Variants in NKAIN3 observed in about 807,000 individuals in gnomAD.
NKAIN3 encodes sodium/potassium-transporting ATPase subunit beta-1-interacting protein 3.
Under a neutral mutation model 30.2 loss-of-function variants are expected in NKAIN3, and 25 were observed. That is an observed-to-expected ratio of 0.83 (90% CI 0.60 to 1.16). The LOEUF is 1.16. NKAIN3 is among the 50% of genes most tolerant of loss of function. The probability of loss-of-function intolerance (pLI) is 0.00; values close to 1 mark genes in which losing one functional copy is unlikely to be tolerated. For missense variants in NKAIN3, 225 were observed against 254.1 expected (o/e 0.89, Z 0.78); for synonymous variants, 91 against 89.6 (o/e 1.02, Z -0.09).
Position 62,352,012 on chromosome 8 carries a change from G to A in NKAIN3, c.54+102885G>A, listed in dbSNP as rs759718819. Among the ~76,000 whole-genome samples, 9 of 152,182 alleles carry A rather than the reference G, an allele frequency of 5.9e-5. 1 individual carries two copies. Among genetic ancestry groups the A allele is most frequent in the South Asian group, 4.1e-4 (2 of 4,832 alleles). Reference sequence around the variant, plus strand: ...TGGATGAACACTATGGATGAAGCTCGTGGGCTGGTCAAACACCAAGTATGA... The same window carrying A: ...TGGATGAACACTATGGATGAAGCTCATGGGCTGGTCAAACACCAAGTATGA... On this transcript the variant is annotated intron_variant, in intron 1 of 6. Coordinates refer to ENST00000623646, the MANE Select transcript of NKAIN3 (RefSeq NM_001304533.3).
chr8:62,429,655 G>T (rs1804931665), intron 1 of NKAIN3, among the ~76,000 whole-genome samples: 1 of 151,786 alleles, frequency 6.6e-6, no homozygotes, highest in Non-Finnish European at 1.5e-5. Flanking sequence ...AGTAGAATTA[G>T]TATTATTCGA....
At chr8:62,413,607 G>T (rs368262429) in intron 1 of NKAIN3, among the ~76,000 whole-genome samples, 3 of 152,092 alleles carry the variant, frequency 2.0e-5, no homozygotes, top group African/African-American at 7.2e-5. Flanking sequence ...GTCAAAACTC[G>T]GTGATTTAAA....
Position 62,982,008 on chromosome 8 carries a change from C to T in NKAIN3, c.*16601C>T, listed in dbSNP as rs1464718376. The T allele has an allele frequency of 6.6e-6, 1 of 151,908 alleles. No individual in the cohort carries two copies. Among genetic ancestry groups the T allele is most frequent in the African/African-American group, 2.4e-5 (1 of 41,372 alleles). The allele number at this position is 151,908 out of a possible 1,614,324, so 9.4% of individuals were successfully genotyped here. On this transcript the variant is annotated 3_prime_UTR_variant, in exon 7 of 7. Transcript: ENST00000623646. The stretch of plus-strand genomic sequence containing the variant: ...GTATAGTAGATATTATGTAAATAAG[C>T]AGAAATAATGGCAATAATTAAACAC...
intron 4 of NKAIN3, among the ~76,000 whole-genome samples, chr8:62,781,085 T>G (rs1442733564): frequency 6.6e-6 from 1 of 151,978 alleles, no homozygotes; most frequent in East Asian, 1.9e-4. Context: ...TCAGTGAAGT[T>G]GCAGGATACA....
chr8:62,620,545 T>G (rs529937191), intron 3 of NKAIN3, among the ~76,000 whole-genome samples: 1 of 152,272 alleles, frequency 6.6e-6, no homozygotes, highest in African/African-American at 2.4e-5. Flanking sequence ...TATGCTAATT[T>G]AGACCCAGAC....
At position 62,640,227 on chromosome 8, in the gene NKAIN3, C is replaced by T. The variant is rs138328571; in HGVS notation, c.273+50433C>T. On this transcript the variant is annotated intron_variant, in intron 3 of 6. Transcript: ENST00000623646. ...AAATCTCATCTTGAATTGTAATCCC[C>T]ACATGTCAAGGAAGAGACCTAGTGG... Among the ~76,000 whole-genome samples the T allele has an allele frequency of 3.5e-4, 53 of 152,218 alleles. 1 individual carries two copies. In the East Asian group the frequency reaches 9.9e-3, roughly 28 times the overall value.
chr8:62,406,195 A>T (rs2129595580), intron 1 of NKAIN3, among the ~76,000 whole-genome samples: 1 of 152,332 alleles, frequency 6.6e-6, no homozygotes, highest in East Asian at 1.9e-4. Context: ...TATTCAATAA[A>T]TGCTTGTTGA....
At chr8:62,462,989 C>T (rs912193231) in intron 1 of NKAIN3, among the ~76,000 whole-genome samples, 3 of 152,212 alleles carry the variant, frequency 2.0e-5, no homozygotes, top group African/African-American at 7.2e-5. Flanking sequence ...ACTGCTTTCT[C>T]CCAGCTATTT....
chr8:62,575,404 C>G (rs889565430), intron 1 of NKAIN3, among the ~76,000 whole-genome samples: 5 of 151,646 alleles, frequency 3.3e-5, no homozygotes, highest in African/African-American at 1.2e-4. Context: ...AGGAATTAAC[C>G]AAAAATGTGA....
chr8:62,627,251 T>A (rs1317158163), intron 3 of NKAIN3, among the ~76,000 whole-genome samples: 3 of 152,150 alleles, frequency 2.0e-5, no homozygotes, highest in African/African-American at 7.2e-5. Flanking sequence ...TGTATTTAAA[T>A]GTCTTTAAAT....
At chr8:62,799,366 C>T (rs1325995612) in intron 4 of NKAIN3, among the ~76,000 whole-genome samples, 1 of 151,962 alleles carries the variant, frequency 6.6e-6, no homozygotes, top group Non-Finnish European at 1.5e-5. Flanking sequence ...CAAACAATTG[C>T]ATCAAAAAGT....
intron 1 of NKAIN3, among the ~76,000 whole-genome samples, chr8:62,437,910 C>G (rs2129598025): frequency 6.6e-6 from 1 of 152,278 alleles, no homozygotes; most frequent in African/African-American, 2.4e-5. Flanking sequence ...ATTTCTAAAA[C>G]AGCTGAAAGA....
chr8:62,556,978 C>T (rs1362065645), intron 1 of NKAIN3, among the ~76,000 whole-genome samples: 3 of 151,780 alleles, frequency 2.0e-5, no homozygotes, highest in East Asian at 1.9e-4. Flanking sequence ...AGGAACAGTT[C>T]GTGTTTGGTT....
intron 3 of NKAIN3, among the ~76,000 whole-genome samples, chr8:62,688,805 C>A (rs1422288113): frequency 6.6e-6 from 1 of 151,816 alleles, no homozygotes; most frequent in East Asian, 1.9e-4. Context: ...CTTACAGAGT[C>A]TTTTTATATC....
intron 1 of NKAIN3, among the ~76,000 whole-genome samples, chr8:62,503,643 C>A (rs1003050327): frequency 1.3e-5 from 2 of 151,962 alleles, no homozygotes; most frequent in South Asian, 2.1e-4. Flanking sequence ...CCCAGGAATG[C>A]AATTCTTTTC....
chr8:62,751,394 C>T (rs1335505287), intron 4 of NKAIN3, among the ~76,000 whole-genome samples: 1 of 152,158 alleles, frequency 6.6e-6, no homozygotes, highest in Non-Finnish European at 1.5e-5. Flanking sequence ...CCCCATATGC[C>T]TGGTTCTCCC....
chr8:62,534,580 G>A (rs1403328652), intron 1 of NKAIN3, among the ~76,000 whole-genome samples: 4 of 152,088 alleles, frequency 2.6e-5, no homozygotes, highest in Non-Finnish European at 4.4e-5. Context: ...ATAACACAGC[G>A]GTTTTCATAC....
intron 3 of NKAIN3, among the ~76,000 whole-genome samples, chr8:62,681,304 G>T (rs947470702): frequency 6.6e-6 from 1 of 152,194 alleles, no homozygotes; most frequent in African/African-American, 2.4e-5. Context: ...TGAATGAGAG[G>T]TTATAGTAAA....
intron 1 of NKAIN3, among the ~76,000 whole-genome samples, chr8:62,502,503 C>T (rs1301196765): frequency 6.6e-6 from 1 of 151,466 alleles, no homozygotes; most frequent in Admixed American, 6.6e-5. Context: ...TTCTATGACA[C>T]TTCTCTTTTT....
Sources: gnomAD v4.1 joint callset for allele counts (sites outside exome capture counted in the v4.1 genomes callset) on GRCh38, gnomAD v4.1.1 for gene constraint, MANE v1.5 for transcripts, NCBI Gene and HGNC (gene_info 2026-07-23, HGNC 2026-07-21) for gene names.